N4BP1: variants seen among roughly 807,000 people sequenced by gnomAD.
The protein encoded by N4BP1 is NEDD4-binding protein 1.
A neutral mutation model predicts 70.9 loss-of-function variants in N4BP1; 21 were observed. The ratio of observed to expected loss-of-function variants is 0.30; its 90% confidence interval spans 0.21 to 0.43. The LOEUF (loss-of-function observed/expected upper bound fraction) is 0.43. Among genes scored for constraint, N4BP1 ranks in the 20% least tolerant of loss-of-function variants. The pLI is 1.00. For synonymous variants in N4BP1, 387 were observed against 394.6 expected, an observed-to-expected ratio of 0.98 and a Z score of 0.23; for missense variants, 936 against 1,069.4, an observed-to-expected ratio of 0.88 and a Z score of 1.74.
intron 1 of N4BP1, 98 bp downstream of exon 1, chr16:48,609,677 G>A (rs1964646872): frequency 9.4e-7 from 1 of 1,069,028 alleles, no homozygotes; most frequent in Non-Finnish European, 1.2e-6. Context: ...TCCCAACCCA[G>A]GCGCATCGCG....
At chr16:48,580,345 A>G (rs1490498621) in intron 1 of N4BP1, among the ~76,000 whole-genome samples, 2 of 152,132 alleles carry the variant, frequency 1.3e-5, no homozygotes, top group East Asian at 3.8e-4. Context: ...GAAATGGATA[A>G]ATTCCTTGAC....
intron 2 of N4BP1, among the ~76,000 whole-genome samples, chr16:48,559,495 C>T (rs1963819936): frequency 6.6e-6 from 1 of 152,106 alleles, no homozygotes; most frequent in Non-Finnish European, 1.5e-5. Flanking sequence ...TAAATTTGGC[C>T]TAAAGGTGCC....
intron 1 of N4BP1, among the ~76,000 whole-genome samples, chr16:48,572,746 T>C (rs6500394): frequency 0.9 from 137,240 of 152,224 alleles, 62,159 homozygotes; most frequent in East Asian, 0.99. Context: ...CTCAAAAGGA[T>C]GCTAAATAGA....
In N4BP1 at chr16:48,595,187, T is replaced by C. The variant is rs186950326; in HGVS notation, c.198+14588A>G. On this transcript the variant is annotated intron_variant, in intron 1 of 6. Transcript: ENST00000262384. ...TCCTTTTCGTTTTTTCAAAGCCAAA[T>C]GTGGTGGCTCACGCCTGTAATCCCA... Among the ~76,000 whole-genome samples the C allele has an allele frequency of 1.5e-3, 224 of 152,024 alleles. 2 individuals carry two copies. The highest frequency in any genetic ancestry group is 2.3e-3 in the Non-Finnish European group (155 of 67,956).
In N4BP1 at chr16:48,561,858, A is replaced by G. The variant is rs1329298741; in HGVS notation, c.785T>C (p.Leu262Pro). ...GGTTAGACCATTTATTGGATCAAAA[A>G]GCACATCTGGTGAGCTAGAAAGGAC... ...DTVLSSSPDV[L>P]FDPINGLTPD... Residue 262 changes from leucine to proline, a missense_variant, in exon 2 of 7, where the codon CTT becomes CCT. Leu to Pro is a moderately conservative substitution (Grantham distance 98). Coordinates refer to ENST00000262384, the MANE Select transcript of N4BP1 (RefSeq NM_153029.4). 1.9e-6 allele frequency: 3 copies of G among 1,613,774 alleles called. No homozygotes were observed. The highest frequency in any genetic ancestry group is 2.5e-6 in the Non-Finnish European group (3 of 1,179,886).
intron 1 of N4BP1, chr16:48,600,136 GT>G (rs1488028046): frequency 9.2e-6 from 4 of 433,800 alleles, no homozygotes; most frequent in Middle Eastern, 8.6e-4. Context: ...TTGGCATTTG[GT>G]TGGTGGTGAC....
intron 5 of N4BP1, among the ~76,000 whole-genome samples, chr16:48,547,650 A>C (rs1963608146): frequency 6.6e-6 from 1 of 152,210 alleles, no homozygotes; most frequent in Non-Finnish European, 1.5e-5. Flanking sequence ...GTTGTCATCA[A>C]GTTCACCCTT....
In N4BP1 at chr16:48,609,775, C is replaced by T; in HGVS notation, c.198G>A (p.Lys66=). ...GCGCGGGGGCGGCGGCCGGACTCACCTTGGCGCTGTGCACCGCCTCCTGCG... is the reference window on the plus strand; with the variant it reads ...GCGCGGGGGCGGCGGCCGGACTCACTTTGGCGCTGTGCACCGCCTCCTGCG... ...CGAQEAVHSA[K]EYIKGICEPE... is the part of the protein sequence containing the mutation. The change falls in exon 1 of 7, where the codon AAG becomes AAA. Residue 66 remains lysine, a splice_region_variant and synonymous_variant. Coordinates refer to ENST00000262384, the MANE Select transcript of N4BP1 (RefSeq NM_153029.4). The T allele has an allele frequency of 6.9e-7, 1 of 1,443,588 alleles. No homozygotes were observed. The highest frequency in any genetic ancestry group is 9.1e-7 in the Non-Finnish European group (1 of 1,100,012). 89.4% of individuals were successfully genotyped at this position (1,443,588 alleles called of 1,614,324 possible). A position where few individuals can be genotyped will look rare whatever the true frequency, so the allele number is the denominator to read the frequency against.
chr16:48,577,261 T>G (rs1163161352), intron 1 of N4BP1, among the ~76,000 whole-genome samples: 1 of 152,098 alleles, frequency 6.6e-6, no homozygotes, highest in Non-Finnish European at 1.5e-5. Context: ...ACAAGTTCTT[T>G]CCTCTCCACT....
chr16:48,585,806 C>T (rs1964238109), intron 1 of N4BP1, among the ~76,000 whole-genome samples: 1 of 152,130 alleles, frequency 6.6e-6, no homozygotes, highest in Non-Finnish European at 1.5e-5. Context: ...AGCAATTATC[C>T]TGCCTCAGCC....
At chr16:48,575,460 C>CA (rs1597102591) in intron 1 of N4BP1, among the ~76,000 whole-genome samples, 1 of 152,320 alleles carries the variant, frequency 6.6e-6, no homozygotes, top group East Asian at 1.9e-4. Context: ...TTTATAAACT[C>CA]AGTTTTTCTC....
chr16:48,607,668 A>T (rs1011230782), intron 1 of N4BP1, among the ~76,000 whole-genome samples: 1 of 152,218 alleles, frequency 6.6e-6, no homozygotes, highest in African/African-American at 2.4e-5. Flanking sequence ...TGCACGTAAG[A>T]GATTTTCAGA....
chr16:48,588,979 T>C (rs1446193291), intron 1 of N4BP1, among the ~76,000 whole-genome samples: 2 of 152,224 alleles, frequency 1.3e-5, no homozygotes, highest in Admixed American at 6.5e-5. Context: ...TTTGCCAATG[T>C]ACATCCTAGG....
rs1964476328 is a variant in N4BP1, at chr16:48,600,321, G to A, written c.198+9454C>T. On this transcript the variant is annotated intron_variant, in intron 1 of 6. Transcript: ENST00000262384. The stretch of plus-strand genomic sequence containing the variant: ...TCCTTGCAAAGTTAGGTGGACCAAA[G>A]CATTCCGGAAAGCAGGTGGCAAAGA... The A allele has an allele frequency of 3.7e-6, 4 of 1,079,228 alleles. No individual in the cohort carries two copies. In the South Asian group the frequency reaches 5.0e-5, roughly 13 times the overall value. 66.9% of individuals were successfully genotyped at this position (1,079,228 alleles called of 1,614,324 possible).
chr16:48,560,986 G>A lies in N4BP1; in HGVS notation c.1657C>T (p.His553Tyr). The A allele has an allele frequency of 1.2e-6, 2 of 1,613,962 alleles. No homozygotes were observed. The highest frequency in any genetic ancestry group is 2.2e-5 in the South Asian group (2 of 91,086). ...AGGGTTGAGCAATTTGGCTTAGAATGAGGAGAACTACAACATCCTAAACGT... is the reference window on the plus strand; with the variant it reads ...AGGGTTGAGCAATTTGGCTTAGAATAAGGAGAACTACAACATCCTAAACGT... The part of the protein sequence containing the change: ...EKRLGCCSSP[H>Y]SKPNCSTLSP... Residue 553 changes from histidine to tyrosine, a missense_variant, in exon 2 of 7, where the codon CAT becomes TAT. His to Tyr is a moderately conservative substitution (Grantham distance 83, BLOSUM62 2). This residue lies in a region of N4BP1 where 515 missense variants were observed against 491.7 expected (regional missense o/e 1.05). Coordinates refer to ENST00000262384, the MANE Select transcript of N4BP1 (RefSeq NM_153029.4).
intron 1 of N4BP1, among the ~76,000 whole-genome samples, chr16:48,585,078 C>G (rs1255984069): frequency 6.6e-6 from 1 of 151,772 alleles, no homozygotes; most frequent in South Asian, 2.1e-4. Flanking sequence ...ATTACAGGCA[C>G]CTGCCACCAT....
chr16:48,561,208 G>C lies in N4BP1; in HGVS notation c.1435C>G (p.Gln479Glu). Residue 479 changes from glutamine to glutamate, a missense_variant, in exon 2 of 7, where the codon CAG becomes GAG. Physicochemically the swap from Gln to Glu is conservative, Grantham distance 29 (BLOSUM62 2). Transcript: ENST00000262384. ...EQKHEVWGSN[Q>E]NYICNTDPET... Reference sequence around the variant, plus strand: ...GGGTCTGTGTTACAAATGTAGTTCTGGTTTGAACCCCAGACTTCATGTTTC... The same window carrying C: ...GGGTCTGTGTTACAAATGTAGTTCTCGTTTGAACCCCAGACTTCATGTTTC... 1 of 1,613,882 alleles carries C rather than the reference G, an allele frequency of 6.2e-7. No homozygotes were observed. Among genetic ancestry groups the C allele is most frequent in the Non-Finnish European group, 8.5e-7 (1 of 1,179,864 alleles).
chr16:48,588,804 T>C (rs1271799910), intron 1 of N4BP1, among the ~76,000 whole-genome samples: 1 of 152,178 alleles, frequency 6.6e-6, no homozygotes, highest in Non-Finnish European at 1.5e-5. Flanking sequence ...TACTGGTTTG[T>C]GCAAATCCAG....
At chr16:48,565,108 G>GT (rs910421674) in intron 1 of N4BP1, among the ~76,000 whole-genome samples, 1 of 152,128 alleles carries the variant, frequency 6.6e-6, no homozygotes, top group African/African-American at 2.4e-5. Flanking sequence ...ACAGACAATT[G>GT]TATCATCTAC....
Sources: allele counts gnomAD v4.1 joint callset (sites outside exome capture counted in the v4.1 genomes callset), GRCh38; gene constraint gnomAD v4.1.1; regional missense constraint gnomAD v4.1.1; transcripts MANE v1.5; gene names NCBI Gene and HGNC (gene_info 2026-07-23, HGNC 2026-07-21).